Variants in RBFOX1 observed in about 807,000 individuals in gnomAD.
The protein encoded by RBFOX1 is RNA binding protein fox-1 homolog 1.
In RBFOX1, 8 loss-of-function variants were observed where a neutral mutation model predicts 57.7. The ratio of observed to expected loss-of-function variants is 0.14; its 90% CI spans 0.08 to 0.25. The LOEUF (loss-of-function observed/expected upper bound fraction) is 0.25, where lower values mean the gene tolerates loss of function less well. RBFOX1 is among the 10% of genes least tolerant of loss of function. The pLI, the probability that RBFOX1 is intolerant of heterozygous loss-of-function variation, is 1.00. For synonymous variants in RBFOX1, 326 were observed against 222.4 expected (o/e 1.47, Z -4.15); for missense variants, 611 against 548.5 (o/e 1.11, Z -1.14).
At chr16:6,667,029 A>G (rs2098737334) in intron 3 of RBFOX1, among the ~76,000 whole-genome samples, 1 of 152,038 alleles carries the variant, frequency 6.6e-6, no homozygotes, top group Non-Finnish European at 1.5e-5. Context: ...TCACAGGTTA[A>G]CTCTTTTACT....
chr16:6,200,993 C>T (rs1026143279), intron 1 of RBFOX1, among the ~76,000 whole-genome samples: 41 of 151,240 alleles, frequency 2.7e-4, no homozygotes, highest in African/African-American at 9.5e-4. Context: ...ATGTGAAATC[C>T]GCATTATGCT....
At position 7,713,271 on chromosome 16, in the gene RBFOX1, T is replaced by C. The variant is rs1440457639; in HGVS notation, c.*2526T>C. ...TTTAGAAATTAGTGTTTATATCACT[T>C]ACAGTGGTTTGTGAATAAAGAAAAC... On this transcript the variant is annotated 3_prime_UTR_variant, in exon 16 of 16. Transcript: ENST00000550418. 1 of 152,224 alleles carries C rather than the reference T, an allele frequency of 6.6e-6. No individual in the cohort carries two copies. Among genetic ancestry groups the C allele is most frequent in the African/African-American group, 2.4e-5 (1 of 41,458 alleles). The allele number at this position is 152,224 out of a possible 1,614,324, so 9.4% of individuals were successfully genotyped here.
chr16:5,618,770 G>C (rs548465689), intron 3 of RBFOX1, among the ~76,000 whole-genome samples: 1 of 152,336 alleles, frequency 6.6e-6, no homozygotes, highest in South Asian at 2.1e-4. Flanking sequence ...AGGTAAATCA[G>C]GTTAGTTTCT....
intron 3 of RBFOX1, among the ~76,000 whole-genome samples, chr16:7,034,841 C>CTTTTATCTTTTTTTTT (rs2043859259): frequency 2.6e-5 from 1 of 39,166 alleles, no homozygotes; most frequent in African/African-American, 1.2e-4. Flanking sequence ...TTTTTTTTTT[C>CTTTTATCTTTTTTTTT]TTTTTTCTTT....
chr16:5,536,228 CTTTTTTTTTTTTT>C (rs57061495), intron 2 of RBFOX1, among the ~76,000 whole-genome samples: 1 of 103,538 alleles, frequency 9.7e-6, no homozygotes, highest in Non-Finnish European at 1.9e-5. Flanking sequence ...AATCTCCTGT[CTTTTTTTTTTTTT>C]TTTTTTTTTT....
intron 4 of RBFOX1, among the ~76,000 whole-genome samples, chr16:7,381,347 G>C (rs2097779206): frequency 6.6e-6 from 1 of 152,130 alleles, no homozygotes; most frequent in Non-Finnish European, 1.5e-5. Flanking sequence ...AAAAGGTATA[G>C]TACTATAAGT....
intron 3 of RBFOX1, among the ~76,000 whole-genome samples, chr16:7,026,671 G>GTC (rs2041051851): frequency 6.6e-6 from 1 of 152,124 alleles, no homozygotes; most frequent in African/African-American, 2.4e-5. Context: ...CAGAAATACT[G>GTC]TCCCTGTACC....
intron 14 of RBFOX1, among the ~76,000 whole-genome samples, chr16:7,694,624 A>ATCTCTGCT (rs1187403165): frequency 6.6e-6 from 1 of 152,188 alleles, no homozygotes; most frequent in East Asian, 1.9e-4. Context: ...CTAGACTCGT[A>ATCTCTGCT]TCTCTGCTTC....
intron 3 of RBFOX1, among the ~76,000 whole-genome samples, chr16:6,818,065 A>G (rs1054344942): frequency 7.2e-5 from 11 of 152,250 alleles, no homozygotes; most frequent in African/African-American, 2.4e-4. Context: ...GCATAAAACT[A>G]TCTTAGATGT....
chr16:7,097,013 C>T (rs1430171069), intron 4 of RBFOX1, among the ~76,000 whole-genome samples: 3 of 149,224 alleles, frequency 2.0e-5, no homozygotes, highest in South Asian at 4.2e-4. Flanking sequence ...TACCAGAAAG[C>T]GAAATGAATC....
chr16:5,342,604 T>C (rs1471020053), intron 1 of RBFOX1, among the ~76,000 whole-genome samples: 1 of 152,146 alleles, frequency 6.6e-6, no homozygotes, highest in Admixed American at 6.5e-5. Flanking sequence ...GACTCAAAAA[T>C]GCAAAATGCT....
chr16:6,521,774 A>G (rs1007896541), intron 2 of RBFOX1, among the ~76,000 whole-genome samples: 2 of 152,136 alleles, frequency 1.3e-5, no homozygotes, highest in Admixed American at 1.3e-4. Flanking sequence ...CATGATTTCT[A>G]TCTCCTGTAC....
chr16:6,455,470 A>G (rs996196482), intron 2 of RBFOX1, among the ~76,000 whole-genome samples: 1 of 152,146 alleles, frequency 6.6e-6, no homozygotes, highest in Non-Finnish European at 1.5e-5. Flanking sequence ...GTTGAGTGGC[A>G]GGCAACATGT....
chr16:7,629,406 C>G (rs1044301787), intron 10 of RBFOX1, among the ~76,000 whole-genome samples: 2 of 152,154 alleles, frequency 1.3e-5, no homozygotes, highest in Non-Finnish European at 2.9e-5. Context: ...GTTCCCTGTT[C>G]TGCGGGTGCA....
At chr16:5,763,368 G>A (rs1383144368) in intron 3 of RBFOX1, among the ~76,000 whole-genome samples, 1 of 152,136 alleles carries the variant, frequency 6.6e-6, no homozygotes, top group Non-Finnish European at 1.5e-5. Context: ...GGGGTGACTC[G>A]CTCCCAGCTA....
chr16:5,550,667 G>A lies in RBFOX1; in HGVS notation c.259-48235G>A, dbSNP rs140843136. On this transcript the variant is annotated intron_variant, in intron 2 of 2. Coordinates refer to the RBFOX1 transcript ENST00000585867. The stretch of plus-strand genomic sequence containing the variant: ...ATCAGGTCCCATTTATGGTACGTTA[G>A]CAAATAAAGCAGACAAAGCTCCCTG... Among the ~76,000 whole-genome samples, 38 of 152,262 alleles carry A rather than the reference G, an allele frequency of 2.5e-4. No homozygotes were observed. The East Asian group carries it at 6.9e-3, about 28-fold the overall frequency.
intron 1 of RBFOX1, among the ~76,000 whole-genome samples, chr16:5,342,983 C>T (rs191888759): frequency 5.9e-5 from 9 of 152,226 alleles, no homozygotes; most frequent in African/African-American, 1.9e-4. Flanking sequence ...CTCCAGTGAT[C>T]GGTTCAGGGT....
chr16:7,433,574 G>T (rs904445434), intron 4 of RBFOX1, among the ~76,000 whole-genome samples: 10 of 152,208 alleles, frequency 6.6e-5, no homozygotes, highest in African/African-American at 2.4e-4. Flanking sequence ...GAGTCTTAAG[G>T]GGTTCATGTC....
intron 1 of RBFOX1, among the ~76,000 whole-genome samples, chr16:6,185,752 C>T (rs1175734815): frequency 1.3e-5 from 2 of 152,162 alleles, no homozygotes; most frequent in Non-Finnish European, 2.9e-5. Context: ...TTCCTTAAAA[C>T]ACTATAATTT....
Sources: allele counts gnomAD v4.1 joint callset (sites outside exome capture counted in the v4.1 genomes callset), GRCh38; gene constraint gnomAD v4.1.1; transcripts MANE v1.5; gene names NCBI Gene and HGNC (gene_info 2026-07-23, HGNC 2026-07-21).